IMPG2: variants seen among roughly 807,000 people sequenced by gnomAD.
IMPG2 encodes the protein IPM 200.
Under a neutral mutation model 129.2 loss-of-function variants are expected in IMPG2, and 91 were observed. The ratio of observed to expected loss-of-function variants is 0.70; its 90% confidence interval spans 0.59 to 0.84. IMPG2 has a LOEUF of 0.84. Among genes scored for constraint, IMPG2 ranks in the 40% least tolerant of loss-of-function variants. IMPG2 has a pLI of 0.00. For missense variants in IMPG2, 1,430 were observed against 1,461.7 expected, an observed-to-expected ratio of 0.98 and a Z score of 0.35; for synonymous variants, 510 against 517.7, an observed-to-expected ratio of 0.99 and a Z score of 0.20.
At chr3:101,319,917 T>C in intron 1 of IMPG2, 85 bp from the exon 2 acceptor site, 1 of 1,415,498 alleles carries the variant, frequency 7.1e-7, no homozygotes, top group Non-Finnish European at 9.8e-7. Flanking sequence ...ACACTTGGGC[T>C]ACATTAAGAT....
Position 101,262,956 on chromosome 3 carries a change from G to A in IMPG2, c.908+4555C>T, listed in dbSNP as rs192957689. 3.5e-3 allele frequency among the ~76,000 whole-genome samples: 533 copies of A among 151,502 alleles called. 3 individuals carry two copies. Among genetic ancestry groups the A allele is most frequent in the African/African-American group, 0.013 (518 of 41,328 alleles). On this transcript the variant is annotated intron_variant, in intron 9 of 18. Coordinates refer to ENST00000193391, the MANE Select transcript of IMPG2 (RefSeq NM_016247.4). ...CAAAGTTGAAAAAAGAGACAAAGAA[G>A]GACATTGTATAATAATAAAGGAATC...
Position 101,223,415 on chromosome 3 carries a change from AG to A in IMPG2, c.*3553del, listed in dbSNP as rs1412870690. 1 of 152,254 alleles carries A rather than the reference AG, an allele frequency of 6.6e-6. No homozygotes were observed. The highest frequency in any genetic ancestry group is 1.9e-4 in the East Asian group (1 of 5,204). 9.4% of individuals were successfully genotyped at this position (152,254 alleles called of 1,614,324 possible). ...AATTTAATAGTTATTCTACTTCATT[AG>A]CTCTTTCATTATGGAATAAATATGT... On this transcript the variant is annotated 3_prime_UTR_variant, in exon 19 of 19. Coordinates refer to ENST00000193391, the MANE Select transcript of IMPG2 (RefSeq NM_016247.4).
intron 4 of IMPG2, among the ~76,000 whole-genome samples, chr3:101,280,822 G>A (rs1188047306): frequency 2.6e-5 from 4 of 152,162 alleles, no homozygotes; most frequent in African/African-American, 4.8e-5. Context: ...AGTGGCACAT[G>A]CCTGTAATCC....
At chr3:101,255,000 G>T (rs914126226) in intron 10 of IMPG2, among the ~76,000 whole-genome samples, 1 of 151,824 alleles carries the variant, frequency 6.6e-6, no homozygotes. Flanking sequence ...AGACGTGCTT[G>T]CTTCCCCTTC....
chr3:101,307,609 G>A (rs1037211985), intron 2 of IMPG2, among the ~76,000 whole-genome samples: 2 of 152,098 alleles, frequency 1.3e-5, no homozygotes, highest in Non-Finnish European at 2.9e-5. Flanking sequence ...AAACAGCATG[G>A]GGGAACAACT....
At chr3:101,318,946 G>A (rs984548867) in intron 2 of IMPG2, among the ~76,000 whole-genome samples, 2 of 152,058 alleles carry the variant, frequency 1.3e-5, no homozygotes, top group Non-Finnish European at 1.5e-5. Flanking sequence ...CATCATTTTA[G>A]ATGTGAAAAT....
intron 4 of IMPG2, among the ~76,000 whole-genome samples, chr3:101,288,775 A>G (rs1706973472): frequency 6.6e-6 from 1 of 152,206 alleles, no homozygotes; most frequent in Non-Finnish European, 1.5e-5. Flanking sequence ...ATACCCATGT[A>G]ACAATCCTAC....
At chr3:101,292,373 C>G (rs769333619) in intron 3 of IMPG2, among the ~76,000 whole-genome samples, 5 of 152,168 alleles carry the variant, frequency 3.3e-5, no homozygotes, top group African/African-American at 4.8e-5. Flanking sequence ...AAGCAAGTCA[C>G]ATATTTTTTG....
chr3:101,284,283 G>A (rs1422441554), intron 4 of IMPG2, among the ~76,000 whole-genome samples: 2 of 152,208 alleles, frequency 1.3e-5, no homozygotes, highest in Non-Finnish European at 2.9e-5. Context: ...CATCATAAAT[G>A]AGTTGTCTTC....
Position 101,233,070 on chromosome 3 carries a change from CT to C in IMPG2, c.3023-80del, listed in dbSNP as rs369324433. 43 of 1,327,738 alleles carry C rather than the reference CT, an allele frequency of 3.2e-5. 2 individuals are homozygous for C. Among genetic ancestry groups the C allele is most frequent in the African/African-American group, 2.3e-4 (16 of 69,518 alleles). The allele number at this position is 1,327,738 out of a possible 1,614,324, so 82.2% of individuals were successfully genotyped here. A position where few individuals can be genotyped will look rare whatever the true frequency, so the allele number is the denominator to read the frequency against. On this transcript the variant is annotated intron_variant, in intron 14 of 18. Transcript: ENST00000193391. ...GTATACAAAGCCCTTCATTAAAGTT[CT>C]CCCCCAAAGTATATGGGACAACTCC...
intron 10 of IMPG2, among the ~76,000 whole-genome samples, chr3:101,255,709 G>C (rs1332861998): frequency 6.6e-6 from 1 of 152,094 alleles, no homozygotes; most frequent in Non-Finnish European, 1.5e-5. Flanking sequence ...AGCATTGCCA[G>C]AGGGACTTCA....
intron 11 of IMPG2, among the ~76,000 whole-genome samples, 158 bp downstream of exon 11, chr3:101,253,538 C>T (rs1163437414): frequency 1.3e-5 from 2 of 151,950 alleles, no homozygotes; most frequent in Admixed American, 1.3e-4. Context: ...CACTTGGTAC[C>T]CATGAGCTGA....
intron 3 of IMPG2, among the ~76,000 whole-genome samples, chr3:101,292,966 C>T (rs1368763541): frequency 1.3e-5 from 2 of 152,180 alleles, no homozygotes; most frequent in East Asian, 1.9e-4. Context: ...TCAGGCTGTA[C>T]TTCTACGTCT....
intron 2 of IMPG2, among the ~76,000 whole-genome samples, chr3:101,312,257 T>C (rs1707270168): frequency 6.6e-6 from 1 of 152,038 alleles, no homozygotes; most frequent in African/African-American, 2.4e-5. Context: ...CAGAATGGGA[T>C]AAAATATTTT....
chr3:101,253,797 T>C lies in IMPG2; in HGVS notation c.1154-16A>G. On this transcript the variant is annotated splice_polypyrimidine_tract_variant and intron_variant, in intron 10 of 18. Transcript: ENST00000193391. ...ACTCCTCTCACTGAGGAAAGAACAA[T>C]ATTAAAGAACATTTTTAGATGAGGC... The C allele has an allele frequency of 6.3e-7, 1 of 1,579,658 alleles. No homozygotes were observed. Among genetic ancestry groups the C allele is most frequent in the Non-Finnish European group, 8.7e-7 (1 of 1,152,612 alleles).
chr3:101,300,628 G>A (rs933032048), intron 3 of IMPG2, among the ~76,000 whole-genome samples: 18 of 152,162 alleles, frequency 1.2e-4, no homozygotes, highest in Non-Finnish European at 2.4e-4. Context: ...CCCTTGGCTG[G>A]GGGCTGCGGC....
chr3:101,305,677 A>T (rs522749), intron 2 of IMPG2, among the ~76,000 whole-genome samples: 117,584 of 152,014 alleles, frequency 0.77, 45,672 homozygotes, highest in East Asian at 0.85. Context: ...AAGAAAAAAA[A>T]ATATATATAC....
At chr3:101,315,208 G>A (rs1026257449) in intron 2 of IMPG2, among the ~76,000 whole-genome samples, 3 of 152,160 alleles carry the variant, frequency 2.0e-5, no homozygotes, top group Non-Finnish European at 4.4e-5. Context: ...GCCATTGTTT[G>A]TTGTTACTGT....
intron 10 of IMPG2, among the ~76,000 whole-genome samples, chr3:101,256,145 A>AAAAGAAAGAAAGAAAGAAAG (rs57933330): frequency 3.6e-4 from 28 of 77,574 alleles, no homozygotes; most frequent in East Asian, 7.8e-4. Flanking sequence ...AGAAAGAAAG[A>AAAAGAAAGAAAGAAAGAAAG]AAAGAAAGAA....
Sources: allele counts gnomAD v4.1 joint callset (sites outside exome capture counted in the v4.1 genomes callset), GRCh38; gene constraint gnomAD v4.1.1; transcripts MANE v1.5; gene names NCBI Gene and HGNC (gene_info 2026-07-23, HGNC 2026-07-21).